AGBL1: variants seen among roughly 807,000 people sequenced by gnomAD.
AGBL1 encodes AGBL carboxypeptidase 1.
Under a neutral mutation model 118.9 loss-of-function variants are expected in AGBL1, and 130 were observed. The observed-to-expected ratio is 1.09, with a 90% CI of 0.95 to 1.26. AGBL1 has a LOEUF of 1.26. Among genes scored for constraint, AGBL1 ranks in the 50% most tolerant of loss-of-function variants. The probability of loss-of-function intolerance (pLI) is 0.00; values close to 1 mark genes in which losing one functional copy is unlikely to be tolerated. For synonymous variants in AGBL1, 555 were observed against 478.9 expected (o/e 1.16, Z -2.08); for missense variants, 1,584 against 1,298.1 (o/e 1.22, Z -3.38).
chr15:86,131,727 T>C lies in AGBL1; in HGVS notation c.52-10277T>C, dbSNP rs149442240. ...ACTTTGGGAGGCTGAGGTGGGTGAA[T>C]TGCTTGAGCTCAGGAGTTCAAGGCC... On this transcript the variant is annotated intron_variant, in intron 1 of 22. Coordinates refer to ENST00000614907, the MANE Select transcript of AGBL1 (RefSeq NM_001386094.1). Among the ~76,000 whole-genome samples, 1,335 of 152,114 alleles carry C rather than the reference T, an allele frequency of 8.8e-3. 9 individuals carry two copies. The highest frequency in any genetic ancestry group is 0.013 in the Non-Finnish European group (890 of 67,990).
chr15:86,702,657 A>G (rs2086380369), intron 22 of AGBL1, among the ~76,000 whole-genome samples: 1 of 152,132 alleles, frequency 6.6e-6, no homozygotes, highest in African/African-American at 2.4e-5. Context: ...TGTAACAAGT[A>G]GTACATTTCT....
chr15:86,610,167 A>C (rs1182790970), intron 21 of AGBL1, among the ~76,000 whole-genome samples: 1 of 152,170 alleles, frequency 6.6e-6, no homozygotes, highest in Admixed American at 6.5e-5. Context: ...TAATACATTC[A>C]ATGGAAGATA....
chr15:86,608,528 T>G (rs2084614199), intron 21 of AGBL1, among the ~76,000 whole-genome samples: 1 of 152,148 alleles, frequency 6.6e-6, no homozygotes, highest in Non-Finnish European at 1.5e-5. Context: ...GTAAAATGCT[T>G]GGGTCCTGAG....
At chr15:87,006,406 C>T (rs1339273719) in intron 24 of AGBL1, among the ~76,000 whole-genome samples, 3 of 152,152 alleles carry the variant, frequency 2.0e-5, no homozygotes, top group East Asian at 3.9e-4. Flanking sequence ...TGCCCCTCCC[C>T]GAGCCTCGCT....
chr15:86,785,646 G>A (rs2078402231), intron 22 of AGBL1, among the ~76,000 whole-genome samples: 1 of 152,134 alleles, frequency 6.6e-6, no homozygotes, highest in African/African-American at 2.4e-5. Context: ...GGGATTACAG[G>A]CATGAGCCAC....
In AGBL1 at chr15:86,658,486, G is replaced by C. The variant is rs140658572; in HGVS notation, c.2995-15787G>C. Among the ~76,000 whole-genome samples the C allele has an allele frequency of 2.5e-3, 388 of 152,202 alleles. 1 individual carries two copies. The highest frequency in any genetic ancestry group is 8.9e-3 in the African/African-American group (370 of 41,528). On this transcript the variant is annotated intron_variant, in intron 21 of 22. Transcript: ENST00000614907. ...ACTGGTCTGCTTTATTTTGATTCTG[G>C]ATTAAGTAAGAGTCAATAATATCCT... is the stretch of plus-strand genomic sequence containing the variant.
chr15:86,628,975 A>C (rs2084927623), intron 21 of AGBL1, among the ~76,000 whole-genome samples: 1 of 152,120 alleles, frequency 6.6e-6, no homozygotes, highest in African/African-American at 2.4e-5. Context: ...TTACATCGTT[A>C]ACTTTTTTGT....
At chr15:86,372,083 T>C (rs1042992414) in intron 17 of AGBL1, among the ~76,000 whole-genome samples, 1 of 152,212 alleles carries the variant, frequency 6.6e-6, no homozygotes, top group Non-Finnish European at 1.5e-5. Flanking sequence ...CCTGGTATAA[T>C]GTGGCCTGGG....
At chr15:86,622,186 T>A (rs2084817274) in intron 21 of AGBL1, among the ~76,000 whole-genome samples, 1 of 151,910 alleles carries the variant, frequency 6.6e-6, no homozygotes, top group Non-Finnish European at 1.5e-5. Context: ...AAAAATTAGC[T>A]AAGCGTGGTG....
At chr15:86,372,112 A>T (rs994621019) in intron 17 of AGBL1, among the ~76,000 whole-genome samples, 8 of 152,206 alleles carry the variant, frequency 5.3e-5, no homozygotes, top group African/African-American at 1.9e-4. Context: ...GAGATGGTGG[A>T]TAGGACAGAC....
chr15:86,825,810 C>T (rs533257818), intron 22 of AGBL1, among the ~76,000 whole-genome samples: 2 of 148,282 alleles, frequency 1.3e-5, no homozygotes, highest in African/African-American at 2.5e-5. Flanking sequence ...AGTGATAGCA[C>T]TAAATATTGA....
At chr15:86,962,364 C>T (rs1041257510) in intron 23 of AGBL1, among the ~76,000 whole-genome samples, 1 of 152,040 alleles carries the variant, frequency 6.6e-6, no homozygotes. Context: ...AGGAAGGACA[C>T]ATTTTTTATT....
intron 6 of AGBL1, among the ~76,000 whole-genome samples, chr15:86,226,198 A>T (rs1468614083): frequency 6.6e-6 from 1 of 152,170 alleles, no homozygotes; most frequent in African/African-American, 2.4e-5. Context: ...AGGACCATTC[A>T]TTCTTCAGAC....
chr15:86,968,069 T>C (rs2081072340), intron 23 of AGBL1, among the ~76,000 whole-genome samples: 1 of 151,970 alleles, frequency 6.6e-6, no homozygotes, highest in South Asian at 2.1e-4. Context: ...AATATCAGGT[T>C]CTCTTTTATG....
rs575890208 is a variant in AGBL1 at position 86,256,212 on chromosome 15, T to C, written c.736-641T>C. Among the ~76,000 whole-genome samples the C allele has an allele frequency of 7.9e-5, 12 of 152,320 alleles. No individual in the cohort carries two copies. In the East Asian group the frequency reaches 2.3e-3, roughly 29 times the overall value. The stretch of plus-strand genomic sequence containing the variant: ...ACAGTGTCTGAAAAGAAGGGTCTTG[T>C]CATGTTCCATCAGTATCAAAATGTT... On this transcript the variant is annotated intron_variant, in intron 7 of 22. Transcript: ENST00000614907.
intron 23 of AGBL1, among the ~76,000 whole-genome samples, chr15:86,956,394 C>G (rs548363147): frequency 1.3e-5 from 2 of 152,194 alleles, no homozygotes; most frequent in African/African-American, 4.8e-5. Flanking sequence ...GAGATAAATT[C>G]TAAGACATTG....
At chr15:86,245,723 T>A (rs1386502089) in intron 6 of AGBL1, among the ~76,000 whole-genome samples, 1 of 152,312 alleles carries the variant, frequency 6.6e-6, no homozygotes, top group East Asian at 1.9e-4. Flanking sequence ...AGGTCCCTAT[T>A]AGATATGAGA....
intron 5 of AGBL1, among the ~76,000 whole-genome samples, chr15:86,185,714 C>A (rs1382523185): frequency 6.8e-6 from 1 of 147,458 alleles, no homozygotes; most frequent in Non-Finnish European, 1.5e-5. Flanking sequence ...AATGAGAACA[C>A]TTGGACACAC....
chr15:86,976,792 A>G (rs898661406), intron 23 of AGBL1, among the ~76,000 whole-genome samples: 8 of 152,068 alleles, frequency 5.3e-5, no homozygotes, highest in African/African-American at 1.9e-4. Context: ...AAACACAGAT[A>G]GATATGCTCA....
Sources: gnomAD v4.1 joint callset for allele counts (sites outside exome capture counted in the v4.1 genomes callset) on GRCh38, gnomAD v4.1.1 for gene constraint, MANE v1.5 for transcripts, NCBI Gene and HGNC (gene_info 2026-07-23, HGNC 2026-07-21) for gene names.